TBC1D23: variants seen among roughly 807,000 people sequenced by gnomAD.
TBC1D23 encodes the protein HCV non-structural protein 4A-transactivated protein 1.
Under a neutral mutation model 91.4 loss-of-function variants are expected in TBC1D23, and 55 were observed. That is an observed-to-expected ratio of 0.60 (90% CI 0.48 to 0.75). The LOEUF is 0.75. Among genes scored for constraint, TBC1D23 ranks in the 30% least tolerant of loss-of-function variants. The pLI is 0.00. For synonymous variants in TBC1D23, 289 were observed against 281.0 expected (o/e 1.03, Z -0.28); for missense variants, 725 against 836.1 (o/e 0.87, Z 1.64).
At chr3:100,318,063 T>G (rs989819507) in intron 16 of TBC1D23, among the ~76,000 whole-genome samples, 3 of 152,048 alleles carry the variant, frequency 2.0e-5, no homozygotes, top group African/African-American at 7.2e-5. Context: ...AACACCAAAT[T>G]CAGATAATTA....
intron 8 of TBC1D23, 97 bp downstream of exon 8, chr3:100,296,372 T>G (rs1042793350): frequency 2.8e-6 from 2 of 713,814 alleles, no homozygotes; most frequent in African/African-American, 3.6e-5. Context: ...TTGTCAATTT[T>G]TTCTGTTTCT....
At chr3:100,309,610 CTTTTTT>C (rs71132518) in intron 13 of TBC1D23, among the ~76,000 whole-genome samples, 1,625 of 116,128 alleles carry the variant, frequency 0.014, 100 homozygotes, top group Admixed American at 0.12. Flanking sequence ...ATTCTACCTT[CTTTTTT>C]TTTTTTTTTT....
chr3:100,261,887 C>T (rs948265497), intron 1 of TBC1D23, among the ~76,000 whole-genome samples: 2 of 152,176 alleles, frequency 1.3e-5, no homozygotes, highest in African/African-American at 4.8e-5. Flanking sequence ...CCTTTAGAGG[C>T]TTGTCTAAAT....
chr3:100,290,695 CA>C lies in TBC1D23; in HGVS notation c.596del (p.Asn199ThrfsTer35). 1 of 1,592,514 alleles carries C rather than the reference CA, an allele frequency of 6.3e-7. No homozygotes were observed. Among genetic ancestry groups the C allele is most frequent in the Non-Finnish European group, 8.6e-7 (1 of 1,168,254 alleles). ...AAATTACTCCAGACTCCTATGCACTCAACTGGGTAATAAAGTGAAAGTAGGA... is the reference window on the plus strand; with the variant it reads ...AAATTACTCCAGACTCCTATGCACTCACTGGGTAATAAAGTGAAAGTAGGA... ...KKITPDSYAL[N>X]WLGSLFACYC... On this transcript the variant is annotated frameshift_variant, in exon 5 of 19. Coordinates refer to ENST00000394144, the MANE Select transcript of TBC1D23 (RefSeq NM_001199198.3). LOFTEE classifies it high-confidence loss of function.
chr3:100,307,086 A>G lies in TBC1D23; in HGVS notation c.1413+543A>G, dbSNP rs144192138. On this transcript the variant is annotated intron_variant, in intron 13 of 18. Transcript: ENST00000394144. ...AAGAACAAGTTGCCAATCCTATTTT[A>G]TTTGATTTTTAGTTATTGAGATGTG... Among the ~76,000 whole-genome samples the G allele has an allele frequency of 4.7e-3, 714 of 152,250 alleles. 2 individuals are homozygous for G. Among genetic ancestry groups the G allele is most frequent in the Non-Finnish European group, 6.4e-3 (434 of 67,998 alleles).
chr3:100,315,681 T>C (rs149878084), intron 15 of TBC1D23, among the ~76,000 whole-genome samples: 87 of 152,300 alleles, frequency 5.7e-4, no homozygotes, highest in African/African-American at 1.8e-3. Context: ...ATTGTCCTAA[T>C]AGTTTTACAA....
In TBC1D23 at chr3:100,302,210, G is replaced by T; in HGVS notation, c.1236G>T (p.Met412Ile). The change falls in exon 11 of 19, where the codon ATG (methionine) becomes ATT (isoleucine). Residue 412 changes from methionine to isoleucine, a missense_variant. Coordinates refer to ENST00000394144, the MANE Select transcript of TBC1D23 (RefSeq NM_001199198.3). ...GSGREEEDMY[M>I]NMVLAHFLQK... ...GCAGGGAGGAAGAAGACATGTATAT[G>T]AACATGGTCCTGGCACACTTTTTAC... 1 of 1,613,686 alleles carries T rather than the reference G, an allele frequency of 6.2e-7. No homozygotes were observed. The highest frequency in any genetic ancestry group is 1.7e-5 in the Admixed American group (1 of 59,922).
At chr3:100,295,548 A>G (rs930944961) in intron 7 of TBC1D23, among the ~76,000 whole-genome samples, 200 bp downstream of exon 7, 3 of 152,110 alleles carry the variant, frequency 2.0e-5, no homozygotes, top group Non-Finnish European at 2.9e-5. Context: ...TCATTCCTTC[A>G]TATTTGTTCA....
intron 4 of TBC1D23, among the ~76,000 whole-genome samples, chr3:100,290,258 G>A (rs753509833): frequency 6.6e-6 from 1 of 152,118 alleles, no homozygotes; most frequent in Non-Finnish European, 1.5e-5. Flanking sequence ...AGAGAAGGAA[G>A]GACTCCCCAG....
intron 1 of TBC1D23, among the ~76,000 whole-genome samples, chr3:100,264,126 T>C (rs2067537805): frequency 1.3e-5 from 2 of 151,996 alleles, no homozygotes; most frequent in African/African-American, 4.8e-5. Context: ...GTTCTTAGAG[T>C]GCTTGGTGAA....
chr3:100,266,374 T>C (rs1311542922), intron 1 of TBC1D23, among the ~76,000 whole-genome samples: 1 of 152,098 alleles, frequency 6.6e-6, no homozygotes, highest in Non-Finnish European at 1.5e-5. Flanking sequence ...GTCCAAGGGA[T>C]TCTCCTGCCT....
chr3:100,277,899 A>G (rs922964781), intron 1 of TBC1D23, among the ~76,000 whole-genome samples: 23 of 152,116 alleles, frequency 1.5e-4, no homozygotes, highest in African/African-American at 4.6e-4. Context: ...CCCTTCCAAC[A>G]CTTTGGTGAC....
chr3:100,269,896 G>A (rs2148849673), intron 1 of TBC1D23, among the ~76,000 whole-genome samples: 1 of 152,306 alleles, frequency 6.6e-6, no homozygotes, highest in African/African-American at 2.4e-5. Flanking sequence ...TCCACAATTT[G>A]CTAGTGCTTA....
intron 1 of TBC1D23, among the ~76,000 whole-genome samples, chr3:100,264,646 T>G (rs1320301874): frequency 6.6e-6 from 1 of 152,228 alleles, no homozygotes; most frequent in Non-Finnish European, 1.5e-5. Flanking sequence ...TTTATAAGTT[T>G]TTCCTATTTT....
rs150313224 is a variant in TBC1D23, at chr3:100,282,531, T to C, written c.271+684T>C. ...GTAGAGAAACTACTATAAATTGTGA[T>C]TGAATAGGTTTCCAGTCACCCCACA... On this transcript the variant is annotated intron_variant, in intron 3 of 18. Transcript: ENST00000394144. Among the ~76,000 whole-genome samples, 1,078 of 152,356 alleles carry C rather than the reference T, an allele frequency of 7.1e-3. 11 individuals are homozygous for C. Among genetic ancestry groups the C allele is most frequent in the Middle Eastern group, 0.041 (12 of 294 alleles).
chr3:100,312,186 A>G (rs1156715209), intron 15 of TBC1D23, among the ~76,000 whole-genome samples: 1 of 152,192 alleles, frequency 6.6e-6, no homozygotes, highest in African/African-American at 2.4e-5. Flanking sequence ...CAAAGAAAGT[A>G]TGTGGTCGCG....
chr3:100,287,498 A>G (rs528822852), intron 4 of TBC1D23, among the ~76,000 whole-genome samples: 5 of 152,326 alleles, frequency 3.3e-5, no homozygotes, highest in South Asian at 2.1e-4. Flanking sequence ...AATTGTTTCT[A>G]TAGTGTATGC....
chr3:100,311,871 CAGAGCGGTAAGCCAATGAGT>C lies in TBC1D23; in HGVS notation c.1598_1598+19del, dbSNP rs1705631598. Reference sequence around the variant, plus strand: ...CTTCCTTGGCCAGACAGATCATGTACAGAGCGGTAAGCCAATGAGTAGAGCATTTTTCTTGAACCATCCTT... The same window carrying C: ...CTTCCTTGGCCAGACAGATCATGTACAGAGCATTTTTCTTGAACCATCCTT... On this transcript the variant is annotated splice_donor_variant and splice_donor_5th_base_variant and coding_sequence_variant and intron_variant, in exon 15 of 19. Transcript: ENST00000394144. LOFTEE classifies it high-confidence loss of function. 6.5e-7 allele frequency: 1 copy of C among 1,534,024 alleles called. No homozygotes were observed. Among genetic ancestry groups the C allele is most frequent in the South Asian group, 1.2e-5 (1 of 84,018 alleles).
chr3:100,298,245 A>G (rs1294770606), intron 9 of TBC1D23, among the ~76,000 whole-genome samples, 200 bp downstream of exon 9: 1 of 152,228 alleles, frequency 6.6e-6, no homozygotes, highest in Non-Finnish European at 1.5e-5. Flanking sequence ...TTAATTGTCT[A>G]CAATTAATTA....
Sources: gnomAD v4.1 joint callset for allele counts (sites outside exome capture counted in the v4.1 genomes callset) on GRCh38, gnomAD v4.1.1 for gene constraint, MANE v1.5 for transcripts, NCBI Gene and HGNC (gene_info 2026-07-23, HGNC 2026-07-21) for gene names.